The following MUC6 variants were observed in gnomAD, a reference collection of about 807,000 sequenced individuals.
MUC6 encodes mucin-6.
MUC6 carries 188 observed loss-of-function variants against 201.5 expected under a neutral mutation model. The ratio of observed to expected loss-of-function variants is 0.93; its 90% CI spans 0.83 to 1.05. MUC6 has a LOEUF of 1.05. MUC6 is among the 50% of genes least tolerant of loss of function. The pLI, the probability that MUC6 is intolerant of heterozygous loss-of-function variation, is 0.00. For synonymous variants in MUC6, 1,228 were observed against 1,389.4 expected (o/e 0.88, Z 2.58); for missense variants, 2,706 against 3,256.9 (o/e 0.83, Z 4.12).
At chr11:1,025,585 C>T (rs1439231458) in intron 22 of MUC6, among the ~76,000 whole-genome samples, 1 of 152,206 alleles carries the variant, frequency 6.6e-6, no homozygotes, top group African/African-American at 2.4e-5. Context: ...TCCCCTCTGC[C>T]CGGGAGACAT....
intron 27 of MUC6, 70 bp from the exon 28 acceptor site, chr11:1,020,804 C>T: frequency 6.4e-7 from 1 of 1,569,078 alleles, no homozygotes; most frequent in Non-Finnish European, 8.7e-7. Context: ...TCTGGGAGCT[C>T]CGAGGGCCTG....
In MUC6 at chr11:1,032,394, G is replaced by A. The variant is rs558215440; in HGVS notation, c.116-341C>T. Among the ~76,000 whole-genome samples, 6 of 151,954 alleles carry A rather than the reference G, an allele frequency of 3.9e-5. No individual in the cohort carries two copies. The East Asian group carries it at 1.2e-3, about 29-fold the overall frequency. ...TGTGTGTGTGTTGGAGGGCTGTGTA[G>A]GCGTGTGAGATATACACCTGCATGT... On this transcript the variant is annotated intron_variant, in intron 2 of 32. Transcript: ENST00000421673.
chr11:1,022,270 C>T (rs1301084200), intron 26 of MUC6, among the ~76,000 whole-genome samples: 6 of 148,894 alleles, frequency 4.0e-5, no homozygotes, highest in Non-Finnish European at 5.9e-5. Flanking sequence ...GCGCCCCACT[C>T]GCTCCTTCTG....
rs1182422382 is a variant in MUC6, at chr11:1,025,412, GC to G, written c.2800-46del. 3.2e-6 allele frequency: 5 copies of G among 1,581,822 alleles called. No individual in the cohort carries two copies. The South Asian group carries it at 4.5e-5, about 14-fold the overall frequency. On this transcript the variant is annotated intron_variant, in intron 22 of 32. Transcript: ENST00000421673. The stretch of plus-strand genomic sequence containing the variant: ...TAGGACTGCCTGTCTGTCTCCCCCG[GC>G]CCCTGGCACAGCCGTGCTGGACCGA...
intron 2 of MUC6, among the ~76,000 whole-genome samples, chr11:1,032,519 GTGTT>G (rs1422097822): frequency 6.6e-6 from 1 of 152,056 alleles, no homozygotes; most frequent in Middle Eastern, 3.4e-3. Context: ...GTGTATGTGT[GTGTT>G]GGGTGCGTGT....
At chr11:1,031,394 G>A in intron 4 of MUC6, 135 bp from the exon 5 acceptor site, 4 of 1,168,028 alleles carry the variant, frequency 3.4e-6, no homozygotes, top group Non-Finnish European at 3.5e-6. Flanking sequence ...TCTTATGGGA[G>A]GCTAATTTTC....
chr11:1,019,015 A>G (rs1856748332), intron 30 of MUC6, among the ~76,000 whole-genome samples: 1 of 152,048 alleles, frequency 6.6e-6, no homozygotes, highest in African/African-American at 2.4e-5. Context: ...ACTGGAACCC[A>G]GGCCCTACTT....
At chr11:1,028,825 C>G in intron 12 of MUC6, 42 bp from the exon 13 acceptor site, 1 of 1,609,286 alleles carries the variant, frequency 6.2e-7, no homozygotes, top group African/African-American at 1.3e-5. Flanking sequence ...GGCTCCCTCC[C>G]CACCCACTGC....
chr11:1,014,989 G>T (rs1315233763), intron 31 of MUC6, among the ~76,000 whole-genome samples: 1 of 152,266 alleles, frequency 6.6e-6, no homozygotes, highest in African/African-American at 2.4e-5. Flanking sequence ...TGCCACCCAC[G>T]TGAGAGACCA....
At chr11:1,032,922 C>T (rs980152917) in intron 2 of MUC6, 91 bp downstream of exon 2, 28 of 1,179,524 alleles carry the variant, frequency 2.4e-5, no homozygotes, top group Non-Finnish European at 3.1e-5. Context: ...ATGTGTGTGT[C>T]TTGGGGGTGA....
chr11:1,036,594 C>A lies in MUC6; in HGVS notation c.52+10G>T. The A allele has an allele frequency of 6.5e-7, 1 of 1,548,908 alleles. No individual in the cohort carries two copies. The highest frequency in any genetic ancestry group is 8.7e-7 in the Non-Finnish European group (1 of 1,146,378). On this transcript the variant is annotated intron_variant, in intron 1 of 32. Coordinates refer to ENST00000421673, the MANE Select transcript of MUC6 (RefSeq NM_005961.3). ...CACCGCAGTGTCTGGCGCCCCTCGACCTCACTCACCAGCGCTGAGCAGGGC... is the reference window on the plus strand; with the variant it reads ...CACCGCAGTGTCTGGCGCCCCTCGAACTCACTCACCAGCGCTGAGCAGGGC...
chr11:1,028,864 G>A (rs1590051934), intron 12 of MUC6, 25 bp downstream of exon 12: 1 of 1,610,948 alleles, frequency 6.2e-7, no homozygotes, highest in South Asian at 1.1e-5. Context: ...AACTCTGGGG[G>A]GCCACAGACT....
In MUC6 at chr11:1,013,523, C is replaced by T. The variant is rs773934425; in HGVS notation, c.7253G>A (p.Arg2418Gln). The change falls in exon 33 of 33, where the codon CGG becomes CAG. Residue 2418 changes from arginine (R) to glutamine (Q), a missense_variant. Coordinates refer to ENST00000421673, the MANE Select transcript of MUC6 (RefSeq NM_005961.3). ...LPCPDPSTPG[R>Q]RLVLTLQVFS... Reference sequence around the variant, plus strand: ...CACCTGCAGGGTGAGTACGAGCCGCCGGCCAGGCGTGCTGGGATCGGGGCA... The same window carrying T: ...CACCTGCAGGGTGAGTACGAGCCGCTGGCCAGGCGTGCTGGGATCGGGGCA... The T allele has an allele frequency of 5.2e-5, 83 of 1,581,924 alleles. No individual in the cohort carries two copies. The highest frequency in any genetic ancestry group is 6.5e-5 in the Non-Finnish European group (76 of 1,165,566).
Position 1,016,139 on chromosome 11 carries a change from G to T in MUC6, c.6662C>A (p.Thr2221Asn), listed in dbSNP as rs560486456. The T allele has an allele frequency of 6.2e-7, 1 of 1,613,714 alleles. No homozygotes were observed. The highest frequency in any genetic ancestry group is 1.1e-5 in the South Asian group (1 of 91,064). The change falls in exon 31 of 33, where the codon ACC (threonine) becomes AAC (asparagine). Residue 2221 changes from threonine to asparagine, a missense_variant. Around this residue, in one of 10 missense-constraint regions of MUC6, gnomAD observed 586 missense variants for 488.0 expected, o/e 1.20. Transcript: ENST00000421673. ...TLPHTISSPFTLSALLPISTV... is the reference protein window; with the variant it reads ...TLPHTISSPFNLSALLPISTV... ...GGATATGGGGAGTAGAGCAGAGAGG[G>T]TGAAAGGAGAGGAGATAGTGTGGGG...
rs764194995 is a variant in MUC6, at chr11:1,031,288, G to C, written c.484-29C>G. 1.2e-5 allele frequency: 18 copies of C among 1,539,994 alleles called. No individual in the cohort carries two copies. In the Admixed American group the frequency reaches 3.6e-4, roughly 31 times the overall value. ...CGGGAGACGGCTCTGCTGGGGGCCC[G>C]GGGGCCAGGGGCCCCCTCATCTGCT... On this transcript the variant is annotated intron_variant, in intron 4 of 32. Coordinates refer to ENST00000421673, the MANE Select transcript of MUC6 (RefSeq NM_005961.3).
intron 1 of MUC6, among the ~76,000 whole-genome samples, chr11:1,035,369 A>G (rs530113183): frequency 1.2e-4 from 19 of 152,226 alleles, no homozygotes; most frequent in African/African-American, 3.9e-4. Flanking sequence ...GTTTAGCCCC[A>G]CTTCCTGGCA....
rs1857158407 is a variant in MUC6 at position 1,033,551 on chromosome 11, G to A, written c.53-476C>T. On this transcript the variant is annotated intron_variant, in intron 1 of 32. Coordinates refer to ENST00000421673, the MANE Select transcript of MUC6 (RefSeq NM_005961.3). This position sits in a 1 kb window ranked among gnomAD's most constrained non-coding sequence, Gnocchi z 5.6. ...TTCTCCCTGCTCTCGGTGGCTCCGG[G>A]GCTCTAAACATGGCCGCTTTCCTGC... 6.7e-6 allele frequency among the ~76,000 whole-genome samples: 1 copy of A among 149,758 alleles called. No individual in the cohort carries two copies. Among genetic ancestry groups the A allele is most frequent in the Non-Finnish European group, 1.5e-5 (1 of 66,958 alleles).
intron 6 of MUC6, 35 bp from the exon 7 acceptor site, chr11:1,030,815 CCA>C: frequency 6.5e-7 from 1 of 1,530,366 alleles, no homozygotes; most frequent in Admixed American, 2.0e-5. Flanking sequence ...GGGGCAAAGG[CCA>C]CACCCCATGC....
rs1029059948 is a variant in MUC6 at position 1,013,053 on chromosome 11, C to T, written c.*403G>A. Reference sequence around the variant, plus strand: ...TTGCCCCCATCTCGGCACAGGTTTCCGTGCCCTCCTCGCCCCTGATGGGTC... The same window carrying T: ...TTGCCCCCATCTCGGCACAGGTTTCTGTGCCCTCCTCGCCCCTGATGGGTC... On this transcript the variant is annotated 3_prime_UTR_variant, in exon 33 of 33. Coordinates refer to ENST00000421673, the MANE Select transcript of MUC6 (RefSeq NM_005961.3). The T allele has an allele frequency of 2.6e-5, 5 of 195,446 alleles. No individual in the cohort carries two copies. The highest frequency in any genetic ancestry group is 1.5e-4 in the South Asian group (1 of 6,886). The allele number at this position is 195,446 out of a possible 1,614,324, so 12.1% of individuals were successfully genotyped here.
Sources: allele counts gnomAD v4.1 joint callset (sites outside exome capture counted in the v4.1 genomes callset), GRCh38; gene constraint gnomAD v4.1.1; regional missense constraint gnomAD v4.1.1; non-coding constraint Gnocchi (gnomAD v3.1); transcripts MANE v1.5; gene names NCBI Gene and HGNC (gene_info 2026-07-23, HGNC 2026-07-21).